Variants in MCPH1 observed in about 807,000 individuals in gnomAD.
The protein encoded by MCPH1 is microcephalin.
MCPH1 carries 104 observed loss-of-function variants against 84.5 expected under a neutral mutation model. The observed-to-expected ratio is 1.23, with a 90% CI of 1.05 to 1.45. The LOEUF (loss-of-function observed/expected upper bound fraction) is 1.45. Among genes scored for constraint, MCPH1 ranks in the 40% most tolerant of loss-of-function variants. The pLI is 0.00. For synonymous variants in MCPH1, 514 were observed against 366.8 expected, an observed-to-expected ratio of 1.40 and a Z score of -4.58; for missense variants, 1,498 against 1,005.7, an observed-to-expected ratio of 1.49 and a Z score of -6.62.
At chr8:6,622,419 C>T (rs116934373) in intron 13 of MCPH1, among the ~76,000 whole-genome samples, 255 of 152,272 alleles carry the variant, frequency 1.7e-3, no homozygotes, top group Admixed American at 2.4e-3. Context: ...CTGGGGAATG[C>T]GGAGGAAGCA....
At chr8:6,520,860 A>G (rs1436487840) in intron 12 of MCPH1, among the ~76,000 whole-genome samples, 1 of 152,216 alleles carries the variant, frequency 6.6e-6, no homozygotes, top group African/African-American at 2.4e-5. Flanking sequence ...TATTTTTCCC[A>G]TGTAAAACCT....
intron 13 of MCPH1, chr8:6,626,295 G>C: frequency 1.4e-5 from 14 of 985,268 alleles, no homozygotes; most frequent in Non-Finnish European, 1.7e-5. Flanking sequence ...TTGCTCCCTG[G>C]AGAATTTCAT....
intron 3 of MCPH1, among the ~76,000 whole-genome samples, chr8:6,424,204 A>G (rs1294056843): frequency 6.6e-6 from 1 of 152,246 alleles, no homozygotes; most frequent in Non-Finnish European, 1.5e-5. Flanking sequence ...CCTTGAAGAA[A>G]GAATACATAA....
chr8:6,557,484 G>C (rs560001164), intron 12 of MCPH1, among the ~76,000 whole-genome samples: 2 of 152,168 alleles, frequency 1.3e-5, no homozygotes, highest in South Asian at 4.1e-4. Flanking sequence ...AATAATTCTA[G>C]AATAATTTAG....
At chr8:6,476,183 C>G (rs1349106345) in intron 9 of MCPH1, among the ~76,000 whole-genome samples, 1 of 152,044 alleles carries the variant, frequency 6.6e-6, no homozygotes, top group Non-Finnish European at 1.5e-5. Flanking sequence ...AATCCCAGCA[C>G]TTTGGGAGGC....
chr8:6,505,383 TTC>T (rs573406030), intron 12 of MCPH1, among the ~76,000 whole-genome samples: 1,612 of 59,782 alleles, frequency 0.027, 89 homozygotes, highest in Non-Finnish European at 0.033. Flanking sequence ...TATATATTCT[TTC>T]TATATGTATA....
At chr8:6,589,848 C>G (rs966053417) in intron 12 of MCPH1, among the ~76,000 whole-genome samples, 3 of 152,020 alleles carry the variant, frequency 2.0e-5, no homozygotes, top group South Asian at 2.1e-4. Flanking sequence ...TGATGAGATG[C>G]GAAGATACAG....
chr8:6,556,062 C>T (rs556317762), intron 12 of MCPH1, among the ~76,000 whole-genome samples: 10 of 152,284 alleles, frequency 6.6e-5, no homozygotes, highest in African/African-American at 2.4e-4. Context: ...CTGCACTCGT[C>T]TCAAGATCGA....
intron 12 of MCPH1, chr8:6,618,798 T>G (rs1322128158): frequency 6.6e-6 from 1 of 152,052 alleles, no homozygotes; most frequent in Non-Finnish European, 1.5e-5. Flanking sequence ...TTTTCTGACA[T>G]GAAAAGAACA....
chr8:6,471,028 G>A (rs1017577494), intron 9 of MCPH1, among the ~76,000 whole-genome samples: 5 of 152,126 alleles, frequency 3.3e-5, no homozygotes, highest in Admixed American at 2.0e-4. Context: ...AGTATCGAAG[G>A]TCCTTTTTTT....
At position 6,516,204 on chromosome 8, in the gene MCPH1, C is replaced by T. The variant is rs141208042; in HGVS notation, c.2214+16275C>T. Among the ~76,000 whole-genome samples the T allele has an allele frequency of 7.7e-4, 118 of 152,290 alleles. No homozygotes were observed. The East Asian group carries it at 0.021, about 27-fold the overall frequency. The stretch of plus-strand genomic sequence containing the variant: ...GAAAATCAGTCTGCACAAGCTAACC[C>T]CTTGTTACCGCTCTGTATTGCTATG... On this transcript the variant is annotated intron_variant, in intron 12 of 13. Transcript: ENST00000344683.
chr8:6,440,272 A>C (rs1218163658), intron 6 of MCPH1, among the ~76,000 whole-genome samples: 1 of 151,992 alleles, frequency 6.6e-6, no homozygotes, highest in Non-Finnish European at 1.5e-5. Flanking sequence ...TCCTTTCTCT[A>C]GACATAAGTC....
At chr8:6,515,137 G>C (rs1383452257) in intron 12 of MCPH1, among the ~76,000 whole-genome samples, 1 of 151,888 alleles carries the variant, frequency 6.6e-6, no homozygotes, top group South Asian at 2.1e-4. Context: ...GATTGGCCCC[G>C]AACCCCACAT....
intron 13 of MCPH1, among the ~76,000 whole-genome samples, chr8:6,628,546 C>A (rs970393812): frequency 6.7e-6 from 1 of 148,634 alleles, no homozygotes; most frequent in Non-Finnish European, 1.5e-5. Context: ...GCTGTCTATT[C>A]AATTCAGAAT....
chr8:6,424,976 A>G (rs1800843263), intron 3 of MCPH1, among the ~76,000 whole-genome samples: 1 of 152,218 alleles, frequency 6.6e-6, no homozygotes, highest in African/African-American at 2.4e-5. Flanking sequence ...GAATTGACTT[A>G]CTGACTGGGC....
rs368962328 is a variant in MCPH1 at position 6,431,381 on chromosome 8, C to G, written c.234-118C>G. ...GCAGTTGTATTTATTTTTTAAAAGTCTGTTAAAATGACCTAGCTATGGATT... is the reference window on the plus strand; with the variant it reads ...GCAGTTGTATTTATTTTTTAAAAGTGTGTTAAAATGACCTAGCTATGGATT... On this transcript the variant is annotated intron_variant, in intron 3 of 13. Transcript: ENST00000344683. 4.0e-6 allele frequency: 3 copies of G among 743,940 alleles called. No individual in the cohort carries two copies. In the African/African-American group the frequency reaches 5.3e-5, roughly 13 times the overall value. 46.1% of individuals were successfully genotyped at this position (743,940 alleles called of 1,614,324 possible). A position where few individuals can be genotyped will look rare whatever the true frequency, so the allele number is the denominator to read the frequency against.
chr8:6,438,311 G>A lies in MCPH1; in HGVS notation c.437-642G>A, dbSNP rs966328690. Among the ~76,000 whole-genome samples the A allele has an allele frequency of 1.2e-4, 19 of 152,310 alleles. 1 individual carries two copies. Among genetic ancestry groups the A allele is most frequent in the African/African-American group, 4.3e-4 (18 of 41,572 alleles). On this transcript the variant is annotated intron_variant, in intron 5 of 13. Transcript: ENST00000344683. The stretch of plus-strand genomic sequence containing the variant: ...TTGTATATTGTCAGAACTACAGTAA[G>A]GGTGATTCAGGCTTAAGAGTCCCAA...
At chr8:6,569,365 C>G (rs974123878) in intron 12 of MCPH1, among the ~76,000 whole-genome samples, 3 of 152,170 alleles carry the variant, frequency 2.0e-5, no homozygotes, top group African/African-American at 7.2e-5. Flanking sequence ...CCCACAAATG[C>G]AGTCTAGAGC....
At chr8:6,612,297 C>T (rs1830351065) in intron 12 of MCPH1, among the ~76,000 whole-genome samples, 1 of 148,562 alleles carries the variant, frequency 6.7e-6, no homozygotes, top group Admixed American at 6.8e-5. Flanking sequence ...CTATTTAAGC[C>T]AAGCCCCCCT....
Sources: allele counts gnomAD v4.1 joint callset (sites outside exome capture counted in the v4.1 genomes callset), GRCh38; gene constraint gnomAD v4.1.1; transcripts MANE v1.5; gene names NCBI Gene and HGNC (gene_info 2026-07-23, HGNC 2026-07-21).